RBM47: variants seen among roughly 807,000 people sequenced by gnomAD.
The protein encoded by RBM47 is RNA binding motif protein 47.
RBM47 carries 21 observed loss-of-function variants against 47.1 expected under a neutral mutation model. The observed-to-expected ratio is 0.45, with a 90% CI of 0.32 to 0.64. The LOEUF is 0.64. Among genes scored for constraint, RBM47 ranks in the 30% least tolerant of loss-of-function variants. The pLI is 0.05. For missense variants in RBM47, 708 were observed against 870.9 expected, an observed-to-expected ratio of 0.81 and a Z score of 2.35; for synonymous variants, 375 against 361.7, an observed-to-expected ratio of 1.04 and a Z score of -0.42.
rs1738059212 is a variant in RBM47 at position 40,629,748 on chromosome 4, G to A, written c.-592C>T. On this transcript the variant is annotated 5_prime_UTR_variant, in exon 1 of 7. Coordinates refer to ENST00000295971, the MANE Select transcript of RBM47 (RefSeq NM_001098634.2). ...GCGGGAGCGGCGACCCGAAGGCAGC[G>A]AAGTTCTCTCGGGCTCAGCTCCCGA... is the stretch of plus-strand genomic sequence containing the variant. 1 of 152,230 alleles carries A rather than the reference G, an allele frequency of 6.6e-6. No homozygotes were observed. The highest frequency in any genetic ancestry group is 2.4e-5 in the African/African-American group (1 of 41,464). 9.4% of individuals were successfully genotyped at this position (152,230 alleles called of 1,614,324 possible).
intron 1 of RBM47, among the ~76,000 whole-genome samples, chr4:40,597,749 T>C (rs1734889715): frequency 6.6e-6 from 1 of 152,248 alleles, no homozygotes; most frequent in East Asian, 1.9e-4. Context: ...GAAATGATTA[T>C]GTTAGTAAAA....
At chr4:40,496,255 G>A (rs1722546709) in intron 2 of RBM47, among the ~76,000 whole-genome samples, 1 of 151,950 alleles carries the variant, frequency 6.6e-6, no homozygotes, top group Non-Finnish European at 1.5e-5. Flanking sequence ...ATCAAGGCAA[G>A]GCTACCAGCA....
intron 1 of RBM47, among the ~76,000 whole-genome samples, chr4:40,592,981 T>TATA (rs1734383093): frequency 2.1e-4 from 3 of 14,188 alleles, no homozygotes; most frequent in African/African-American, 3.2e-4. Context: ...ATATATATAT[T>TATA]TTTTTTTTTT....
intron 2 of RBM47, among the ~76,000 whole-genome samples, chr4:40,471,082 G>A (rs1718793187): frequency 6.6e-6 from 1 of 152,106 alleles, no homozygotes; most frequent in Non-Finnish European, 1.5e-5. Flanking sequence ...CTCACCCAAG[G>A]ATGCTAGTAC....
rs1428636079 is a variant in RBM47, at chr4:40,430,954, C to T, written c.1542+1697G>A. ...AAAAAGTTAGCCGGGCATGGTGGTG[C>T]GTGTTTGTGGTCCCAACTACTTGGG... On this transcript the variant is annotated intron_variant, in intron 6 of 6. Coordinates refer to ENST00000295971, the MANE Select transcript of RBM47 (RefSeq NM_001098634.2). 6.6e-5 allele frequency among the ~76,000 whole-genome samples: 10 copies of T among 151,668 alleles called. No homozygotes were observed. In the South Asian group the frequency reaches 1.5e-3, roughly 22 times the overall value.
At chr4:40,546,516 G>T (rs1407349198) in intron 1 of RBM47, among the ~76,000 whole-genome samples, 3 of 152,128 alleles carry the variant, frequency 2.0e-5, no homozygotes, top group African/African-American at 7.2e-5. Flanking sequence ...TGTGACAAAT[G>T]TCTCATTCCT....
chr4:40,438,524 C>T lies in RBM47; in HGVS notation c.370G>A (p.Ala124Thr). 1 of 1,613,848 alleles carries T rather than the reference C, an allele frequency of 6.2e-7. No individual in the cohort carries two copies. Among genetic ancestry groups the T allele is most frequent in the Non-Finnish European group, 8.5e-7 (1 of 1,179,936 alleles). The change falls in exon 4 of 7, where the codon GCC (alanine) becomes ACC (threonine). Residue 124 changes from alanine to threonine, a missense_variant. By Grantham distance (58) the Ala-to-Thr change is moderately conservative. Transcript: ENST00000295971. ...AFVMYCHKHE[A>T]KRAVRELNNY... ...TTGAGCTCACGCACTGCGCGCTTGG[C>T]CTCGTGCTTGTGGCAGTACATGACG...
intron 3 of RBM47, among the ~76,000 whole-genome samples, chr4:40,461,814 A>T (rs1717179958): frequency 6.6e-6 from 1 of 152,122 alleles, no homozygotes; most frequent in Non-Finnish European, 1.5e-5. Flanking sequence ...AGGCGCCTGT[A>T]ATCCCAACTA....
At chr4:40,436,700 G>A (rs899680677) in intron 4 of RBM47, 53 bp from the exon 5 acceptor site, 2 of 1,569,000 alleles carry the variant, frequency 1.3e-6, no homozygotes, top group Admixed American at 3.4e-5. Context: ...CGGTGCTGGA[G>A]GCAGACCTCA....
chr4:40,557,563 A>C (rs935587635), intron 1 of RBM47, among the ~76,000 whole-genome samples: 5 of 152,174 alleles, frequency 3.3e-5, no homozygotes, highest in African/African-American at 1.2e-4. Context: ...AGCCTGGCCA[A>C]CATGGTGAAA....
At chr4:40,484,729 G>C (rs908986604) in intron 2 of RBM47, among the ~76,000 whole-genome samples, 1 of 152,056 alleles carries the variant, frequency 6.6e-6, no homozygotes, top group Non-Finnish European at 1.5e-5. Context: ...CTATCTACCA[G>C]ATTCTTATTT....
intron 1 of RBM47, among the ~76,000 whole-genome samples, chr4:40,595,926 G>A (rs1466466709): frequency 2.0e-5 from 3 of 150,170 alleles, no homozygotes; most frequent in Non-Finnish European, 4.4e-5. Context: ...AAAAAAAAAA[G>A]AGATGTTATT....
At chr4:40,506,872 T>G (rs1724166021) in intron 2 of RBM47, among the ~76,000 whole-genome samples, 1 of 152,058 alleles carries the variant, frequency 6.6e-6, no homozygotes, top group South Asian at 2.1e-4. Context: ...TGGTGGCTCA[T>G]GCCTATAATC....
At chr4:40,481,469 TTATTATTATTATTA>T (rs1368589489) in intron 2 of RBM47, among the ~76,000 whole-genome samples, 23 of 131,136 alleles carry the variant, frequency 1.8e-4, no homozygotes, top group South Asian at 1.5e-3. Context: ...ATTATTATTA[TTATTATTATTATTA>T]TTATTTTTAT....
chr4:40,454,451 A>G (rs1715919559), intron 3 of RBM47, among the ~76,000 whole-genome samples: 1 of 152,114 alleles, frequency 6.6e-6, no homozygotes, highest in Admixed American at 6.6e-5. Context: ...AGTGTTAGCT[A>G]TTAGTGCCCC....
At chr4:40,561,555 C>CT (rs568982564) in intron 1 of RBM47, among the ~76,000 whole-genome samples, 59 of 134,934 alleles carry the variant, frequency 4.4e-4, no homozygotes, top group South Asian at 3.0e-3. Context: ...TTTTTTTTTT[C>CT]TTTTTTTTTT....
intron 2 of RBM47, among the ~76,000 whole-genome samples, chr4:40,497,212 G>A (rs775141356): frequency 6.6e-6 from 1 of 152,050 alleles, no homozygotes; most frequent in Non-Finnish European, 1.5e-5. Flanking sequence ...CCCTCACTTC[G>A]GTGTGTCTTT....
intron 1 of RBM47, among the ~76,000 whole-genome samples, chr4:40,584,698 T>G (rs1733362914): frequency 6.6e-6 from 1 of 152,168 alleles, no homozygotes; most frequent in Non-Finnish European, 1.5e-5. Context: ...CAAATGTACT[T>G]ACAAGCTTCC....
At chr4:40,524,512 C>G (rs1488706803) in intron 2 of RBM47, among the ~76,000 whole-genome samples, 1 of 152,230 alleles carries the variant, frequency 6.6e-6, no homozygotes, top group Non-Finnish European at 1.5e-5. Flanking sequence ...TCTGCTATCA[C>G]AGCAACCGTG....
Sources: gnomAD v4.1 joint callset for allele counts (sites outside exome capture counted in the v4.1 genomes callset) on GRCh38, gnomAD v4.1.1 for gene constraint, MANE v1.5 for transcripts, NCBI Gene and HGNC (gene_info 2026-07-23, HGNC 2026-07-21) for gene names.